FHOD3: variants seen among roughly 807,000 people sequenced by gnomAD.
FHOD3 encodes the protein formin homology 2 domain containing 3.
A neutral mutation model predicts 173.0 loss-of-function variants in FHOD3; 90 were observed. The ratio of observed to expected loss-of-function variants is 0.52; its 90% CI spans 0.44 to 0.62. FHOD3 has a LOEUF of 0.62. Among genes scored for constraint, FHOD3 ranks in the 20% least tolerant of loss-of-function variants. FHOD3 has a pLI of 0.00. For synonymous variants in FHOD3, 828 were observed against 823.0 expected (o/e 1.01, Z -0.10); for missense variants, 1,945 against 2,034.7 (o/e 0.96, Z 0.85).
chr18:36,501,056 T>C (rs1377371871), intron 3 of FHOD3, among the ~76,000 whole-genome samples: 1 of 152,190 alleles, frequency 6.6e-6, no homozygotes, highest in African/African-American at 2.4e-5. Flanking sequence ...TCTCTCTAGC[T>C]GCATGGTGAT....
At chr18:36,506,762 C>G (rs1305376503) in intron 4 of FHOD3, among the ~76,000 whole-genome samples, 1 of 141,636 alleles carries the variant, frequency 7.1e-6, no homozygotes, top group Non-Finnish European at 1.6e-5. Flanking sequence ...TAGATCAGTG[C>G]ACATTCAAAA....
Position 36,653,385 on chromosome 18 carries a change from C to A in FHOD3, c.1690C>A (p.Pro564Thr). The change falls in exon 13 of 29, where the codon CCT becomes ACT. Residue 564 changes from proline to threonine, a missense_variant. Pro to Thr is a conservative substitution (Grantham distance 38). Coordinates refer to ENST00000590592, the MANE Select transcript of FHOD3 (RefSeq NM_001281740.3). ...TTTGAGCACATATTCTGCCTCTGAG[C>A]CTTACCACTTCCGATCTTTCTCTTC... ...FSLSTYSASEPYHFRSFSSNR... is the reference protein window; with the variant it reads ...FSLSTYSASETYHFRSFSSNR... 2.0e-6 allele frequency: 3 copies of A among 1,534,978 alleles called. No homozygotes were observed. Among genetic ancestry groups the A allele is most frequent in the Non-Finnish European group, 2.6e-6 (3 of 1,146,432 alleles).
chr18:36,481,886 T>C (rs1242407569), intron 3 of FHOD3, among the ~76,000 whole-genome samples: 8 of 152,206 alleles, frequency 5.3e-5, no homozygotes, highest in Non-Finnish European at 1.2e-4. Context: ...GTTAATCTAG[T>C]TGAAAGTGAG....
chr18:36,690,660 A>G (rs1439268054), intron 16 of FHOD3, among the ~76,000 whole-genome samples: 2 of 152,146 alleles, frequency 1.3e-5, no homozygotes, highest in Non-Finnish European at 2.9e-5. Flanking sequence ...TGGCCACTGC[A>G]GATGAACGCT....
At chr18:36,359,288 T>C (rs986177864) in intron 2 of FHOD3, among the ~76,000 whole-genome samples, 2 of 152,248 alleles carry the variant, frequency 1.3e-5, no homozygotes, top group Non-Finnish European at 2.9e-5. Flanking sequence ...CCCTGCACTT[T>C]TATGCCAAGA....
At chr18:36,426,912 G>C (rs1458094792) in intron 3 of FHOD3, among the ~76,000 whole-genome samples, 2 of 152,170 alleles carry the variant, frequency 1.3e-5, no homozygotes, top group African/African-American at 2.4e-5. Context: ...CAACCAGTGA[G>C]ATAGGAATTA....
At chr18:36,691,943 T>C (rs2038990014) in intron 16 of FHOD3, among the ~76,000 whole-genome samples, 1 of 152,258 alleles carries the variant, frequency 6.6e-6, no homozygotes, top group Non-Finnish European at 1.5e-5. Context: ...TGACTAAATA[T>C]GCCAGGCAGT....
rs541598513 is a variant in FHOD3 at position 36,684,938 on chromosome 18, G to A, written c.1971-2190G>A. Among the ~76,000 whole-genome samples the A allele has an allele frequency of 1.2e-4, 19 of 152,186 alleles. No individual in the cohort carries two copies. The South Asian group carries it at 3.7e-3, about 30-fold the overall frequency. On this transcript the variant is annotated intron_variant, in intron 15 of 28. Transcript: ENST00000590592. Reference sequence around the variant, plus strand: ...CTACCTCAGCCTCCCAAATAGCTGGGACTACAGGCATGTACATGGGACTAC... The same window carrying A: ...CTACCTCAGCCTCCCAAATAGCTGGAACTACAGGCATGTACATGGGACTAC...
At chr18:36,755,362 T>A (rs1206235341) in intron 25 of FHOD3, 51 bp downstream of exon 25, 1 of 1,141,500 alleles carries the variant, frequency 8.8e-7, no homozygotes, top group Non-Finnish European at 1.2e-6. Context: ...CAAAGTAAGA[T>A]CAGTCAGGAA....
At chr18:36,744,007 T>C (rs1482687632) in intron 22 of FHOD3, 25 bp from the exon 23 acceptor site, 1 of 1,613,550 alleles carries the variant, frequency 6.2e-7, no homozygotes, top group African/African-American at 1.3e-5. Context: ...TTGAAACATG[T>C]CTTTTATTGA....
intron 25 of FHOD3, among the ~76,000 whole-genome samples, chr18:36,756,551 A>G (rs1357896253): frequency 2.6e-5 from 4 of 152,168 alleles, no homozygotes; most frequent in African/African-American, 7.2e-5. Flanking sequence ...AAGCCGCCCT[A>G]TGTGCACAGA....
At chr18:36,768,142 A>G (rs1320185778) in intron 27 of FHOD3, among the ~76,000 whole-genome samples, 1 of 152,244 alleles carries the variant, frequency 6.6e-6, no homozygotes, top group African/African-American at 2.4e-5. Context: ...TGCATCTACT[A>G]TAAAATGAAG....
intron 5 of FHOD3, among the ~76,000 whole-genome samples, chr18:36,548,997 C>G (rs144236902): frequency 8.1e-4 from 123 of 152,290 alleles, no homozygotes; most frequent in African/African-American, 2.8e-3. Flanking sequence ...AAAAATACTT[C>G]CAAACAACTT....
At chr18:36,583,534 C>T (rs1372045993) in intron 6 of FHOD3, among the ~76,000 whole-genome samples, 1 of 152,148 alleles carries the variant, frequency 6.6e-6, no homozygotes, top group Non-Finnish European at 1.5e-5. Context: ...GGTTTCCCCT[C>T]CTTTTCACAG....
chr18:36,515,075 C>CATGG (rs1262749101), intron 5 of FHOD3, among the ~76,000 whole-genome samples: 2 of 152,314 alleles, frequency 1.3e-5, no homozygotes, highest in East Asian at 3.9e-4. Flanking sequence ...AATCCTTGTG[C>CATGG]ATGGGCAGGT....
chr18:36,619,916 G>A (rs2033564406), intron 9 of FHOD3, among the ~76,000 whole-genome samples: 1 of 152,190 alleles, frequency 6.6e-6, no homozygotes, highest in Non-Finnish European at 1.5e-5. Flanking sequence ...CAGGTGTCAG[G>A]GGTTGAAAGG....
At chr18:36,467,041 T>A (rs1227023558) in intron 3 of FHOD3, among the ~76,000 whole-genome samples, 1 of 152,160 alleles carries the variant, frequency 6.6e-6, no homozygotes, top group East Asian at 1.9e-4. Flanking sequence ...CTGCCCCATC[T>A]CAGTTTGGAC....
At chr18:36,672,205 A>C (rs560298609) in intron 14 of FHOD3, among the ~76,000 whole-genome samples, 4 of 152,310 alleles carry the variant, frequency 2.6e-5, no homozygotes, top group African/African-American at 9.6e-5. Flanking sequence ...TGAAGTGCCA[A>C]CTTCCTCAGA....
chr18:36,490,236 T>A (rs1184448518), intron 3 of FHOD3, among the ~76,000 whole-genome samples: 1 of 152,178 alleles, frequency 6.6e-6, no homozygotes, highest in Non-Finnish European at 1.5e-5. Context: ...TAAGTGGCCT[T>A]CATCAGCTGA....
Sources: gnomAD v4.1 joint callset for allele counts (sites outside exome capture counted in the v4.1 genomes callset) on GRCh38, gnomAD v4.1.1 for gene constraint, MANE v1.5 for transcripts, NCBI Gene and HGNC (gene_info 2026-07-23, HGNC 2026-07-21) for gene names.